Variants in BCL2L13 observed in about 807,000 individuals in gnomAD.
BCL2L13 encodes the protein BCL2 like 13, also known as bcl-2-like protein 13.
BCL2L13 carries 13 observed loss-of-function variants against 25.8 expected under a neutral mutation model. The observed-to-expected ratio is 0.50, with a 90% CI of 0.33 to 0.80. The LOEUF is 0.80. BCL2L13 is among the 30% of genes least tolerant of loss of function. The pLI, the probability that BCL2L13 is intolerant of heterozygous loss-of-function variation, is 0.02. For missense variants in BCL2L13, 504 were observed against 574.9 expected (o/e 0.88, Z 1.26); for synonymous variants, 244 against 230.3 (o/e 1.06, Z -0.54).
rs780738515 is a variant in BCL2L13, at chr22:17,727,215, TTGA to T, written c.1143_1145del (p.Asp381del). Reference sequence around the variant, plus strand: ...CCTGCTACATCTCTGTTTGTAGAACTTGATGAAGAAGAGGTGAAAGCAGCAACA... The same window carrying T: ...CCTGCTACATCTCTGTTTGTAGAACTTGAAGAAGAGGTGAAAGCAGCAACA... On this transcript the variant is annotated inframe_deletion, in exon 7 of 7. Coordinates refer to ENST00000317582, the MANE Select transcript of BCL2L13 (RefSeq NM_015367.4). 4.3e-6 allele frequency: 7 copies of T among 1,614,208 alleles called. No individual in the cohort carries two copies. The highest frequency in any genetic ancestry group is 5.9e-6 in the Non-Finnish European group (7 of 1,180,042).
chr22:17,705,327 T>C (rs2060560255), intron 6 of BCL2L13, among the ~76,000 whole-genome samples: 1 of 149,824 alleles, frequency 6.7e-6, no homozygotes, highest in African/African-American at 2.5e-5. Flanking sequence ...AGATGTAGTC[T>C]CCCTGTGTCG....
upstream of BCL2L13, among the ~76,000 whole-genome samples, chr22:17,634,579 G>A (rs894569493): frequency 6.6e-5 from 10 of 152,090 alleles, no homozygotes; most frequent in African/African-American, 1.9e-4. Context: ...AAGAGGGACC[G>A]CGTCTGATGT....
chr22:17,687,412 G>A (rs1320428688), intron 3 of BCL2L13, among the ~76,000 whole-genome samples: 5 of 152,114 alleles, frequency 3.3e-5, no homozygotes, highest in Non-Finnish European at 5.9e-5. Context: ...CATGATCAGG[G>A]CTCACTGCAG....
At chr22:17,696,237 A>G (rs2060260895) in intron 5 of BCL2L13, 27 bp downstream of exon 5, 1 of 1,588,974 alleles carries the variant, frequency 6.3e-7, no homozygotes, top group Non-Finnish European at 8.6e-7. Context: ...CTTTTCTCTT[A>G]AAAGATTTTA....
chr22:17,672,184 C>A (rs1419889646), intron 2 of BCL2L13, among the ~76,000 whole-genome samples: 6 of 152,220 alleles, frequency 3.9e-5, no homozygotes, highest in African/African-American at 1.4e-4. Context: ...TGCCTGAATA[C>A]TTGCTAAAAC....
chr22:17,644,869 G>C (rs1304125445), intron 1 of BCL2L13, among the ~76,000 whole-genome samples: 4 of 149,380 alleles, frequency 2.7e-5, no homozygotes, highest in African/African-American at 1.0e-4. Context: ...GAGTGCAGTG[G>C]CACAATCTCA....
chr22:17,663,707 G>A (rs1410621250), intron 2 of BCL2L13, among the ~76,000 whole-genome samples: 1 of 91,832 alleles, frequency 1.1e-5, no homozygotes, highest in Non-Finnish European at 2.0e-5. Context: ...TTTTTGAGAT[G>A]GAGTCTCGCT....
intron 1 of BCL2L13, among the ~76,000 whole-genome samples, chr22:17,646,400 C>T (rs545200130): frequency 3.3e-5 from 5 of 151,182 alleles, no homozygotes; most frequent in Admixed American, 6.6e-5. Context: ...GTGTGCATGC[C>T]ACCACGCCAG....
At chr22:17,648,233 C>T (rs574865700) in intron 1 of BCL2L13, among the ~76,000 whole-genome samples, 34 of 152,088 alleles carry the variant, frequency 2.2e-4, no homozygotes, top group Non-Finnish European at 4.1e-4. Context: ...AGACATAACC[C>T]TGTAGTAGTG....
chr22:17,647,186 G>C lies in BCL2L13; in HGVS notation c.-51+8300G>C, dbSNP rs531542570. Among the ~76,000 whole-genome samples, 163 of 151,638 alleles carry C rather than the reference G, an allele frequency of 1.1e-3. 1 individual carries two copies. Among genetic ancestry groups the C allele is most frequent in the Middle Eastern group, 6.8e-3 (2 of 294 alleles). On this transcript the variant is annotated intron_variant, in intron 1 of 6. Coordinates refer to ENST00000317582, the MANE Select transcript of BCL2L13 (RefSeq NM_015367.4). ...AGACGGGGTTTCACCGTGTTAGCCA[G>C]GCTGGTTTCGATCTCCTGACCTTGT...
At chr22:17,693,015 G>A (rs1019375035) in intron 4 of BCL2L13, among the ~76,000 whole-genome samples, 1 of 151,848 alleles carries the variant, frequency 6.6e-6, no homozygotes, top group Non-Finnish European at 1.5e-5. Flanking sequence ...ATGTGACATC[G>A]AGACATTGTC....
intron 2 of BCL2L13, among the ~76,000 whole-genome samples, chr22:17,666,245 G>GTA (rs755310468): frequency 6.6e-6 from 1 of 151,198 alleles, no homozygotes; most frequent in Non-Finnish European, 1.5e-5. Flanking sequence ...CATAGTAGGT[G>GTA]TATATATATA....
At chr22:17,655,580 C>T (rs1176457793) in intron 1 of BCL2L13, 82 bp from the exon 2 acceptor site, 2 of 1,161,590 alleles carry the variant, frequency 1.7e-6, no homozygotes, top group Non-Finnish European at 2.4e-6. Context: ...AAAAGAGTTG[C>T]ACAAGACATT....
intron 1 of BCL2L13, among the ~76,000 whole-genome samples, chr22:17,629,565 T>C (rs1439010903): frequency 6.6e-6 from 1 of 152,126 alleles, no homozygotes; most frequent in Admixed American, 6.5e-5. Flanking sequence ...TTCCCCAAAA[T>C]CCCAAAGGCA....
rs1255054793 is a variant in BCL2L13 at position 17,693,368 on chromosome 22, GTTTGTTTTTTTTTT to G, written c.387-2769_387-2756del. Reference sequence around the variant, plus strand: ...TTATTTATTTATTTATTTATTTAGTGTTTGTTTTTTTTTTTTTTTTTTTTTTTTGGAGACGGAGT... The same window carrying G: ...TTATTTATTTATTTATTTATTTAGTGTTTTTTTTTTTTTTGGAGACGGAGT... On this transcript the variant is annotated intron_variant, in intron 4 of 6. Transcript: ENST00000317582. 8.3e-3 allele frequency among the ~76,000 whole-genome samples: 928 copies of G among 112,218 alleles called. 21 individuals carry two copies. The highest frequency in any genetic ancestry group is 0.033 in the African/African-American group (852 of 25,586). The allele number at this position is 112,218 out of a possible 152,430, so 73.6% of individuals were successfully genotyped here.
chr22:17,727,779 C>T lies in BCL2L13; in HGVS notation c.*245C>T. On this transcript the variant is annotated 3_prime_UTR_variant, in exon 7 of 7. Transcript: ENST00000317582. ...GAGAATCTTAGGGGTAAAGCACCCCCTCCAGGACCGGGTTTCTCAGCCTTG... is the reference window on the plus strand; with the variant it reads ...GAGAATCTTAGGGGTAAAGCACCCCTTCCAGGACCGGGTTTCTCAGCCTTG... The T allele has an allele frequency of 1.8e-6, 1 of 564,348 alleles. No individual in the cohort carries two copies. Among genetic ancestry groups the T allele is most frequent in the South Asian group, 2.1e-5 (1 of 46,930 alleles). The allele number at this position is 564,348 out of a possible 1,614,324, so 35.0% of individuals were successfully genotyped here. A position where few individuals can be genotyped will look rare whatever the true frequency, so the allele number is the denominator to read the frequency against.
intron 2 of BCL2L13, among the ~76,000 whole-genome samples, chr22:17,659,110 A>G (rs2058987495): frequency 7.0e-6 from 1 of 143,842 alleles, no homozygotes; most frequent in Non-Finnish European, 1.6e-5. Context: ...TCACGCCTGT[A>G]ATCCCAGCAC....
rs1569024270 is a variant in BCL2L13, at chr22:17,727,126, T to G, written c.1050T>G (p.Thr350=). The G allele has an allele frequency of 6.2e-7, 1 of 1,614,188 alleles. No individual in the cohort carries two copies. Among genetic ancestry groups the G allele is most frequent in the Non-Finnish European group, 8.5e-7 (1 of 1,180,042 alleles). The part of the protein sequence containing the change: ...EAPAPLLPHI[T]ATSLLGTREP... ...CAGCTCCCTTGCTTCCACATATCAC[T>G]GCCACCTCCCTGCTGGGGACAAGGG... Residue 350 remains threonine (T), a synonymous_variant, in exon 7 of 7, where the codon ACT becomes ACG. Coordinates refer to ENST00000317582, the MANE Select transcript of BCL2L13 (RefSeq NM_015367.4).
intron 1 of BCL2L13, among the ~76,000 whole-genome samples, chr22:17,630,505 G>A (rs536983023): frequency 6.6e-6 from 1 of 151,478 alleles, no homozygotes; most frequent in Non-Finnish European, 1.5e-5. Context: ...GTCTTGAACT[G>A]CTGACCTCGT....
Sources: gnomAD v4.1 joint callset for allele counts (sites outside exome capture counted in the v4.1 genomes callset) on GRCh38, gnomAD v4.1.1 for gene constraint, MANE v1.5 for transcripts, NCBI Gene and HGNC (gene_info 2026-07-23, HGNC 2026-07-21) for gene names.